Variants in NUP210 observed in about 807,000 individuals in gnomAD.
NUP210 encodes the protein nucleoporin 210.
A neutral mutation model predicts 196.0 loss-of-function variants in NUP210; 151 were observed. The observed-to-expected ratio is 0.77, with a 90% CI of 0.67 to 0.88. The LOEUF is 0.88. Ranked by LOEUF, NUP210 falls within the 40% of genes least tolerant of loss-of-function variation. The pLI is 0.00. For missense variants in NUP210, 2,314 were observed against 2,493.7 expected, an observed-to-expected ratio of 0.93 and a Z score of 1.53; for synonymous variants, 1,070 against 1,052.7, an observed-to-expected ratio of 1.02 and a Z score of -0.32.
chr3:13,412,649 G>A (rs1700216024), intron 1 of NUP210, among the ~76,000 whole-genome samples: 1 of 151,826 alleles, frequency 6.6e-6, no homozygotes, highest in East Asian at 1.9e-4. Flanking sequence ...GGGCAGCAGA[G>A]GTTGCTGTGA....
At chr3:13,373,578 G>A in intron 12 of NUP210, 140 bp downstream of exon 12, 1 of 766,500 alleles carries the variant, frequency 1.3e-6, no homozygotes, top group East Asian at 2.6e-5. Context: ...AGCTCCTAAG[G>A]GAAGGGCTGG....
At chr3:13,354,420 G>A (rs454451) in intron 16 of NUP210, 10 of 368,744 alleles carry the variant, frequency 2.7e-5, no homozygotes, top group South Asian at 9.1e-5. Context: ...GCATCTACTC[G>A]GGAGAGGTCC....
intron 21 of NUP210, among the ~76,000 whole-genome samples, chr3:13,342,525 A>T (rs138982234): frequency 6.6e-6 from 1 of 152,352 alleles, no homozygotes; most frequent in East Asian, 1.9e-4. Context: ...ATTAGCAAAC[A>T]GCAGTGGAAA....
At chr3:13,408,766 T>A (rs141645539) in intron 1 of NUP210, among the ~76,000 whole-genome samples, 1 of 139,728 alleles carries the variant, frequency 7.2e-6, no homozygotes, top group African/African-American at 2.8e-5. Context: ...CCAGCCTGAG[T>A]GACAGGGAGA....
intron 13 of NUP210, among the ~76,000 whole-genome samples, chr3:13,368,412 T>C (rs983890013): frequency 6.6e-6 from 1 of 152,200 alleles, no homozygotes; most frequent in Non-Finnish European, 1.5e-5. Flanking sequence ...TTAAAAAAAT[T>C]CTGATAAAAT....
Position 13,384,039 on chromosome 3 carries a change from T to G in NUP210, c.817+2236A>C, listed in dbSNP as rs1699189549. Among the ~76,000 whole-genome samples the G allele has an allele frequency of 2.6e-5, 4 of 152,184 alleles. No homozygotes were observed. The South Asian group carries it at 8.3e-4, about 31-fold the overall frequency. ...GTGCAATGGCGCAATCTCGGCTCACTGCAACCTCCACCTCCTGGGTTCAAG... is the reference window on the plus strand; with the variant it reads ...GTGCAATGGCGCAATCTCGGCTCACGGCAACCTCCACCTCCTGGGTTCAAG... On this transcript the variant is annotated intron_variant, in intron 6 of 39. Transcript: ENST00000254508.
chr3:13,379,804 C>T lies in NUP210; in HGVS notation c.818-83G>A, dbSNP rs1472476211. 1.7e-6 allele frequency: 2 copies of T among 1,209,780 alleles called. No individual in the cohort carries two copies. The highest frequency in any genetic ancestry group is 5.0e-5 in the East Asian group (2 of 40,202). The allele number at this position is 1,209,780 out of a possible 1,614,324, so 74.9% of individuals were successfully genotyped here. A position where few individuals can be genotyped will look rare whatever the true frequency, so the allele number is the denominator to read the frequency against. ...AGAAGCCAATACACTCCCACTGCCACCCCGAATCTCTGCACTCTGCTCTCA... is the reference window on the plus strand; with the variant it reads ...AGAAGCCAATACACTCCCACTGCCATCCCGAATCTCTGCACTCTGCTCTCA... On this transcript the variant is annotated intron_variant, in intron 6 of 39. Coordinates refer to ENST00000254508, the MANE Select transcript of NUP210 (RefSeq NM_024923.4). This position sits in a 1 kb window ranked among gnomAD's most constrained non-coding sequence, Gnocchi z 4.2.
chr3:13,413,125 C>T (rs557655979), intron 1 of NUP210, among the ~76,000 whole-genome samples: 3 of 151,616 alleles, frequency 2.0e-5, no homozygotes, highest in African/African-American at 4.9e-5. Flanking sequence ...ATTAGCCAGG[C>T]GTGTTGGCAC....
intron 15 of NUP210, among the ~76,000 whole-genome samples, chr3:13,359,716 C>T (rs566042564): frequency 6.6e-6 from 1 of 152,306 alleles, no homozygotes; most frequent in Admixed American, 6.5e-5. Context: ...AGTGTCAGGC[C>T]CCAAGGCGCC....
intron 34 of NUP210, 30 bp from the exon 35 acceptor site, chr3:13,322,369 G>A: frequency 6.2e-7 from 1 of 1,610,780 alleles, no homozygotes; most frequent in South Asian, 1.1e-5. Context: ...GAGGGTGTGG[G>A]CCAGGCCCGA....
At chr3:13,417,928 G>A (rs1700399787) in intron 1 of NUP210, among the ~76,000 whole-genome samples, 1 of 152,194 alleles carries the variant, frequency 6.6e-6, no homozygotes, top group African/African-American at 2.4e-5. Flanking sequence ...GGGGAAAAAA[G>A]TGTTGTTAGT....
In NUP210 at chr3:13,317,774, A is replaced by T; in HGVS notation, c.5571T>A (p.Ala1857=). Residue 1857 remains alanine (A), a synonymous_variant, in exon 40 of 40, where the codon GCT becomes GCA. Coordinates refer to ENST00000254508, the MANE Select transcript of NUP210 (RefSeq NM_024923.4). ...ASPGHSPHYF[A]ASSPTSPNAL... ...CATTGGGAGATGTGGGTGATGAGGC[A>T]GCGAAATCTAGGGTGGGAAGAGAGA... The T allele has an allele frequency of 6.2e-7, 1 of 1,607,702 alleles. No homozygotes were observed. Among genetic ancestry groups the T allele is most frequent in the Non-Finnish European group, 8.5e-7 (1 of 1,176,760 alleles).
chr3:13,384,531 T>C (rs1436862623), intron 6 of NUP210, among the ~76,000 whole-genome samples: 1 of 152,192 alleles, frequency 6.6e-6, no homozygotes. Context: ...GGCCAGCAGT[T>C]TGAGATCAGA....
At chr3:13,409,614 T>C (rs1438396850) in intron 1 of NUP210, among the ~76,000 whole-genome samples, 3 of 152,186 alleles carry the variant, frequency 2.0e-5, no homozygotes, top group African/African-American at 7.2e-5. Flanking sequence ...GCATGGATGT[T>C]AAGTGACCTT....
intron 31 of NUP210, among the ~76,000 whole-genome samples, chr3:13,328,523 T>C (rs1299839782): frequency 6.6e-6 from 1 of 152,262 alleles, no homozygotes; most frequent in Non-Finnish European, 1.5e-5. Flanking sequence ...TCCCTGGAGC[T>C]GCCCCATGCC....
At chr3:13,413,362 T>C (rs1700240954) in intron 1 of NUP210, among the ~76,000 whole-genome samples, 2 of 151,058 alleles carry the variant, frequency 1.3e-5, no homozygotes, top group Non-Finnish European at 3.0e-5. Context: ...CCCAGGTACA[T>C]GGGAGGCTGA....
At chr3:13,334,569 G>A (rs931783061) in intron 28 of NUP210, among the ~76,000 whole-genome samples, 6 of 152,108 alleles carry the variant, frequency 3.9e-5, no homozygotes, top group Non-Finnish European at 7.4e-5. Flanking sequence ...TTCTTGAGGC[G>A]GGGACTAGAA....
Position 13,376,407 on chromosome 3 carries a change from G to A in NUP210, c.1177C>T (p.Pro393Ser), listed in dbSNP as rs1576397821. The change falls in exon 10 of 40, where the codon CCT becomes TCT. Residue 393 changes from proline to serine, a missense_variant. Pro to Ser is a moderately conservative substitution (Grantham distance 74). Coordinates refer to ENST00000254508, the MANE Select transcript of NUP210 (RefSeq NM_024923.4). The part of the protein sequence containing the change: ...SDNIRIETVL[P>S]AEFFEVLSSS... ...GAGAGCACCTCGAAGAACTCAGCAG[G>A]AAGCACAGTTTCAATTCGGATGTTC... The A allele has an allele frequency of 6.2e-7, 1 of 1,614,254 alleles. No individual in the cohort carries two copies. The highest frequency in any genetic ancestry group is 8.5e-7 in the Non-Finnish European group (1 of 1,180,042).
At position 13,317,652 on chromosome 3, in the gene NUP210, G is replaced by C; in HGVS notation, c.*29C>G. 6.6e-7 allele frequency: 1 copy of C among 1,505,812 alleles called. No individual in the cohort carries two copies. Among genetic ancestry groups the C allele is most frequent in the Non-Finnish European group, 9.1e-7 (1 of 1,095,172 alleles). The allele number at this position is 1,505,812 out of a possible 1,614,324, so 93.3% of individuals were successfully genotyped here. A position where few individuals can be genotyped will look rare whatever the true frequency, so the allele number is the denominator to read the frequency against. Reference sequence around the variant, plus strand: ...TTGGGGGTGCACGAGGCTCGGCTGAGACCCATCCTCCGGGAACCTTCACGC... The same window carrying C: ...TTGGGGGTGCACGAGGCTCGGCTGACACCCATCCTCCGGGAACCTTCACGC... On this transcript the variant is annotated 3_prime_UTR_variant, in exon 40 of 40. Transcript: ENST00000254508.
Sources: allele counts gnomAD v4.1 joint callset (sites outside exome capture counted in the v4.1 genomes callset), GRCh38; gene constraint gnomAD v4.1.1; non-coding constraint Gnocchi (gnomAD v3.1); transcripts MANE v1.5; gene names NCBI Gene and HGNC (gene_info 2026-07-23, HGNC 2026-07-21).